The following PGAM2 variants were observed in gnomAD, a reference collection of about 807,000 sequenced individuals.
PGAM2 encodes the protein phosphoglycerate mutase 2.
PGAM2 carries 23 observed loss-of-function variants against 22.5 expected under a neutral mutation model. The ratio of observed to expected loss-of-function variants is 1.02; its 90% CI spans 0.74 to 1.45. The LOEUF (loss-of-function observed/expected upper bound fraction) is 1.45. PGAM2 is among the 40% of genes most tolerant of loss of function. The probability of loss-of-function intolerance (pLI) is 0.00; values close to 1 mark genes in which losing one functional copy is unlikely to be tolerated. For synonymous variants in PGAM2, 133 were observed against 138.6 expected (o/e 0.96, Z 0.29); for missense variants, 349 against 356.2 (o/e 0.98, Z 0.16).
intron 2 of PGAM2, 39 bp downstream of exon 2, chr7:44,064,793 G>GGCCCCCCCCCCCGCCCCCCC: frequency 8.8e-7 from 1 of 1,136,982 alleles, no homozygotes. Context: ...TGGGGCTGCT[G>GGCCCCCCCCCCCGCCCCCCC]CCCACCCACC....
chr7:44,062,880 T>TG lies in PGAM2; in HGVS notation c.645dup (p.Ile216HisfsTer4). 6.2e-7 allele frequency: 1 copy of TG among 1,614,162 alleles called. No homozygotes were observed. Among genetic ancestry groups the TG allele is most frequent in the South Asian group, 1.1e-5 (1 of 91,080 alleles). ...AGCTCCTTGTTCAGCTCATACACAA[T>TG]GGGGATCCCCGTGGGCAGGTTCAGC... On this transcript the variant is annotated frameshift_variant, in exon 3 of 3. Coordinates refer to ENST00000297283, the MANE Select transcript of PGAM2 (RefSeq NM_000290.4). LOFTEE classifies it high-confidence loss of function.
intron 2 of PGAM2, 37 bp downstream of exon 2, chr7:44,064,795 C>T (rs2096155983): frequency 3.2e-6 from 3 of 937,692 alleles, no homozygotes; most frequent in Non-Finnish European, 5.0e-6. Flanking sequence ...GGGCTGCTGC[C>T]CACCCACCCT....
rs1329346115 is a variant in PGAM2 at position 44,062,930 on chromosome 7, C to T, written c.596G>A (p.Gly199Glu). The T allele has an allele frequency of 1.2e-6, 2 of 1,614,196 alleles. No homozygotes were observed. Among genetic ancestry groups the T allele is most frequent in the East Asian group, 2.2e-5 (1 of 44,894 alleles). ...SLRGIVKHLE[G>E]MSDQAIMELN... ...CTCCATGATCGCCTGGTCTGACATC[C>T]CTATGCCGGAAGGAATAGGTGTCCT... Residue 199 changes from glycine (G) to glutamate (E), a missense_variant and splice_region_variant, in exon 3 of 3, where the codon GGG (glycine) becomes GAG (glutamate). Physicochemically the swap from Gly to Glu is moderately conservative, Grantham distance 98. Coordinates refer to ENST00000297283, the MANE Select transcript of PGAM2 (RefSeq NM_000290.4).
rs117753914 is a variant in PGAM2, at chr7:44,064,748, A to G, written c.595+84T>C. ...GCCCCACGCCTAGAAAGCCTGGTCC[A>G]TGGGCGAGAGACTTTGCTGAGATGA... On this transcript the variant is annotated intron_variant, in intron 2 of 2. Coordinates refer to ENST00000297283, the MANE Select transcript of PGAM2 (RefSeq NM_000290.4). The G allele has an allele frequency of 2.6e-5, 32 of 1,221,102 alleles. No individual in the cohort carries two copies. The East Asian group carries it at 7.3e-4, about 28-fold the overall frequency. 75.6% of individuals were successfully genotyped at this position (1,221,102 alleles called of 1,614,324 possible).
At position 44,065,390 on chromosome 7, in the gene PGAM2, T is replaced by A. The variant is rs745594644; in HGVS notation, c.140A>T (p.Asp47Val). 3.1e-6 allele frequency: 5 copies of A among 1,614,110 alleles called. No individual in the cohort carries two copies. The highest frequency in any genetic ancestry group is 4.2e-6 in the Non-Finnish European group (5 of 1,180,034). The change falls in exon 1 of 3, where the codon GAT (aspartate) becomes GTT (valine). Residue 47 changes from aspartate to valine, a missense_variant. Coordinates refer to ENST00000297283, the MANE Select transcript of PGAM2 (RefSeq NM_000290.4). The part of the protein sequence containing the change: ...EAKRGAKAIK[D>V]AKMEFDICYT... The stretch of plus-strand genomic sequence containing the variant: ...GCAGATGTCAAACTCCATCTTGGCA[T>A]CCTTGATGGCCTTGGCTCCCCGCTT...
chr7:44,064,837 A>T lies in PGAM2; in HGVS notation c.590T>A (p.Leu197Gln). The T allele has an allele frequency of 7.2e-7, 1 of 1,397,154 alleles. No homozygotes were observed. Among genetic ancestry groups the T allele is most frequent in the Non-Finnish European group, 9.6e-7 (1 of 1,045,220 alleles). 86.5% of individuals were successfully genotyped at this position (1,397,154 alleles called of 1,614,324 possible). ...GCTCCTGAAGGTGGCCTCACCTTCC[A>T]GGTGCTTGACAATGCCCCGCAGGCT... ...GNSLRGIVKH[L>Q]EGMSDQAIME... Residue 197 changes from leucine (L) to glutamine (Q), a missense_variant, in exon 2 of 3, where the codon CTG becomes CAG. Leu to Gln is a moderately radical substitution (Grantham distance 113). Transcript: ENST00000297283.
chr7:44,063,499 CA>C (rs753835424), intron 2 of PGAM2: 5 of 179,548 alleles, frequency 2.8e-5, no homozygotes, highest in Admixed American at 5.4e-5. Flanking sequence ...AGGCTGGTCT[CA>C]AACTCCTGAC....
rs2096156143 is a variant in PGAM2, at chr7:44,064,836, C to G, written c.591G>C (p.Leu197=). ...GGCTCCTGAAGGTGGCCTCACCTTC[C>G]AGGTGCTTGACAATGCCCCGCAGGC... The part of the protein sequence containing the change: ...GNSLRGIVKH[L]EGMSDQAIME... Residue 197 remains leucine, a synonymous_variant, in exon 2 of 3, where the codon CTG becomes CTC. Transcript: ENST00000297283. 6.3e-7 allele frequency: 1 copy of G among 1,592,670 alleles called. No homozygotes were observed. Among genetic ancestry groups the G allele is most frequent in the Non-Finnish European group, 8.5e-7 (1 of 1,170,310 alleles).
In PGAM2 at chr7:44,064,925, T is replaced by G; in HGVS notation, c.502A>C (p.Asn168His). Residue 168 changes from asparagine (N) to histidine (H), a missense_variant, in exon 2 of 3, where the codon AAC becomes CAC. Coordinates refer to ENST00000297283, the MANE Select transcript of PGAM2 (RefSeq NM_000290.4). ...DTIARALPFWNEEIVPQIKAG... is the reference protein window; with the variant it reads ...DTIARALPFWHEEIVPQIKAG... ...TTGATCTGGGGAACAATCTCCTCGT[T>G]CCAGAAGGGCAGGGCCCGGGCAATG... 6.2e-7 allele frequency: 1 copy of G among 1,611,018 alleles called. No homozygotes were observed. Among genetic ancestry groups the G allele is most frequent in the Non-Finnish European group, 8.5e-7 (1 of 1,179,716 alleles).
At chr7:44,064,793 G>GGGCCCCCCCCCCCC in intron 2 of PGAM2, 39 bp downstream of exon 2, 13 of 1,136,954 alleles carry the variant, frequency 1.1e-5, no homozygotes, top group East Asian at 7.5e-5. Flanking sequence ...TGGGGCTGCT[G>GGGCCCCCCCCCCCC]CCCACCCACC....
In PGAM2 at chr7:44,065,473, C is replaced by T. The variant is rs1233199410; in HGVS notation, c.57G>A (p.Glu19=). The change falls in exon 1 of 3, where the codon GAG becomes GAA. Residue 19 remains glutamate, a synonymous_variant. Transcript: ENST00000297283. Reference sequence around the variant, plus strand: ...CATCGAACCAGCCACAGAAACGGTTCTCCTGGTTCCATGTGCTCTCGCCGT... The same window carrying T: ...CATCGAACCAGCCACAGAAACGGTTTTCCTGGTTCCATGTGCTCTCGCCGT... ...VRHGESTWNQ[E]NRFCGWFDAE... 1.9e-6 allele frequency: 3 copies of T among 1,614,028 alleles called. No homozygotes were observed. The highest frequency in any genetic ancestry group is 2.7e-5 in the African/African-American group (2 of 74,950).
chr7:44,062,980 T>C, intron 2 of PGAM2, 50 bp from the exon 3 acceptor site: 1 of 1,587,694 alleles, frequency 6.3e-7, no homozygotes, highest in Non-Finnish European at 8.6e-7. Flanking sequence ...CCAGCCTGTT[T>C]ACACAGCAGA....
At position 44,065,554 on chromosome 7, in the gene PGAM2, C is replaced by T; in HGVS notation, c.-25G>A. 6.2e-7 allele frequency: 1 copy of T among 1,611,284 alleles called. No individual in the cohort carries two copies. The highest frequency in any genetic ancestry group is 8.5e-7 in the Non-Finnish European group (1 of 1,178,178). The stretch of plus-strand genomic sequence containing the variant: ...TGGTGGCAGCAGGGACCACAGAGGA[C>T]TCTGGACGGGGACGGCTGCTTCCCA... On this transcript the variant is annotated 5_prime_UTR_variant, in exon 1 of 3. Transcript: ENST00000297283.
Position 44,065,297 on chromosome 7 carries a change from C to G in PGAM2, c.233G>C (p.Trp78Ser), listed in dbSNP as rs10250779. ...WAILDGTDQM[W>S]LPVVRTWRLN... ...GCGCCAAGTGCGCACCACAGGCAGC[C>G]ACATCTGGTCCGTGCCGTCCAGGAT... is the stretch of plus-strand genomic sequence containing the variant. The change falls in exon 1 of 3, where the codon TGG becomes TCG. Residue 78 changes from tryptophan to serine, a missense_variant. By Grantham distance (177) the Trp-to-Ser change is radical (BLOSUM62 -3). Coordinates refer to ENST00000297283, the MANE Select transcript of PGAM2 (RefSeq NM_000290.4). 3.1e-6 allele frequency: 5 copies of G among 1,613,696 alleles called. No individual in the cohort carries two copies. The South Asian group carries it at 4.4e-5, about 14-fold the overall frequency.
chr7:44,064,793 G>GGCCCCCCCCCCCCCCCCCCCCC, intron 2 of PGAM2, 39 bp downstream of exon 2: 6 of 1,136,946 alleles, frequency 5.3e-6, no homozygotes, highest in South Asian at 1.3e-5. Context: ...TGGGGCTGCT[G>GGCCCCCCCCCCCCCCCCCCCCC]CCCACCCACC....
At chr7:44,063,033 A>C in intron 2 of PGAM2, 103 bp from the exon 3 acceptor site, 1 of 1,248,860 alleles carries the variant, frequency 8.0e-7, no homozygotes, top group East Asian at 2.3e-5. Flanking sequence ...TTCCCCTGGC[A>C]CCAATTCCTT....
chr7:44,063,153 A>C, intron 2 of PGAM2: 1 of 585,154 alleles, frequency 1.7e-6, no homozygotes. Context: ...TGGGGACTTC[A>C]GCCCCACCCA....
At chr7:44,063,470 G>C (rs1335167828) in intron 2 of PGAM2, 1 of 185,562 alleles carries the variant, frequency 5.4e-6, no homozygotes, top group Admixed American at 5.3e-5. Flanking sequence ...TAGTAGAAAC[G>C]GGTTTTACCA....
Position 44,062,892 on chromosome 7 carries a change from T to A in PGAM2, c.634A>T (p.Thr212Ser), listed in dbSNP as rs753686991. 1.2e-6 allele frequency: 2 copies of A among 1,614,162 alleles called. No individual in the cohort carries two copies. Among genetic ancestry groups the A allele is most frequent in the Non-Finnish European group, 1.7e-6 (2 of 1,180,026 alleles). ...DQAIMELNLP[T>S]GIPIVYELNK... ...AGCTCATACACAATGGGGATCCCCG[T>A]GGGCAGGTTCAGCTCCATGATCGCC... Residue 212 changes from threonine to serine, a missense_variant, in exon 3 of 3, where the codon ACG becomes TCG. Coordinates refer to ENST00000297283, the MANE Select transcript of PGAM2 (RefSeq NM_000290.4).
Sources: allele counts gnomAD v4.1 joint callset, GRCh38; gene constraint gnomAD v4.1.1; transcripts MANE v1.5; gene names NCBI Gene and HGNC (gene_info 2026-07-23, HGNC 2026-07-21).